POGZ: variants seen among roughly 807,000 people sequenced by gnomAD.
POGZ encodes pogo transposable element with ZNF domain.
POGZ carries 17 observed loss-of-function variants against 134.6 expected under a neutral mutation model. The observed-to-expected ratio is 0.13, with a 90% CI of 0.09 to 0.19. POGZ has a LOEUF of 0.19. POGZ is among the 10% of genes least tolerant of loss of function. POGZ has a pLI of 1.00. For missense variants in POGZ, 1,306 were observed against 1,769.7 expected, an observed-to-expected ratio of 0.74 and a Z score of 4.70; for synonymous variants, 693 against 657.1, an observed-to-expected ratio of 1.05 and a Z score of -0.84.
rs1653268082 is a variant in POGZ at position 151,404,798 on chromosome 1, A to G, written c.*4T>C. On this transcript the variant is annotated 3_prime_UTR_variant, in exon 19 of 19. Transcript: ENST00000271715. ...CACTCCACACCCCCTCATGACCCCA[A>G]CACTCAAATCTCCATCAGATCTAGG... The G allele has an allele frequency of 6.3e-7, 1 of 1,593,198 alleles. No homozygotes were observed. The highest frequency in any genetic ancestry group is 1.3e-5 in the African/African-American group (1 of 74,282).
intron 4 of POGZ, 84 bp from the exon 5 acceptor site, chr1:151,429,795 A>G (rs1658399644): frequency 1.5e-6 from 1 of 670,280 alleles, no homozygotes. Context: ...TCCAAAAAAA[A>G]ATTCCCATAC....
At chr1:151,409,922 G>A (rs1285405519) in intron 12 of POGZ, among the ~76,000 whole-genome samples, 2 of 152,182 alleles carry the variant, frequency 1.3e-5, no homozygotes, top group Non-Finnish European at 2.9e-5. Flanking sequence ...GGATAACAAA[G>A]CTCTGTAAGC....
chr1:151,416,787 C>T (rs1463949068), intron 10 of POGZ, among the ~76,000 whole-genome samples: 1 of 151,130 alleles, frequency 6.6e-6, no homozygotes, highest in Non-Finnish European at 1.5e-5. Context: ...CCACACCTGG[C>T]TAATTAAAAA....
intron 12 of POGZ, among the ~76,000 whole-genome samples, chr1:151,410,050 ATATG>A (rs1363764223): frequency 2.6e-5 from 4 of 152,214 alleles, no homozygotes; most frequent in Admixed American, 6.5e-5. Flanking sequence ...GTTTGTGTGC[ATATG>A]TATGTGACTA....
intron 2 of POGZ, 40 bp downstream of exon 2, chr1:151,442,037 TTTAA>T: frequency 7.0e-7 from 1 of 1,437,054 alleles, no homozygotes. Context: ...TACCATTCAA[TTTAA>T]TTAATTTAAA....
At chr1:151,457,269 G>T (rs532482139) in intron 1 of POGZ, among the ~76,000 whole-genome samples, 1 of 152,284 alleles carries the variant, frequency 6.6e-6, no homozygotes, top group East Asian at 1.9e-4. Flanking sequence ...GGAAATCAAC[G>T]GCACAAGGTG....
In POGZ at chr1:151,424,995, G is replaced by A; in HGVS notation, c.1145C>T (p.Ala382Val). 1 of 1,597,836 alleles carries A rather than the reference G, an allele frequency of 6.3e-7. No homozygotes were observed. Among genetic ancestry groups the A allele is most frequent in the East Asian group, 2.2e-5 (1 of 44,766 alleles). Residue 382 changes from alanine to valine, a missense_variant, in exon 8 of 19, where the codon GCT (alanine) becomes GTT (valine). Physicochemically the swap from Ala to Val is moderately conservative, Grantham distance 64. This residue lies in a region of POGZ where 541 missense variants were observed against 680.5 expected (regional missense o/e 0.80). Coordinates refer to ENST00000271715, the MANE Select transcript of POGZ (RefSeq NM_015100.4). ...CAAAGCTTCAGTAACACGAAATTGA[G>A]CATTACATCGTGGACATATTTTCCG... ...GGRKICPRCN[A>V]QFRVTEALRG... is the part of the protein sequence containing the mutation.
At chr1:151,415,236 C>A (rs1369241100) in intron 10 of POGZ, among the ~76,000 whole-genome samples, 1 of 152,188 alleles carries the variant, frequency 6.6e-6, no homozygotes, top group Non-Finnish European at 1.5e-5. Context: ...TTCTCTCAAT[C>A]CTATTTCTTC....
In POGZ at chr1:151,427,819, G is replaced by A. The variant is rs779781451; in HGVS notation, c.1078+4C>T. ...GCTGCTCAGAGTCTTTCAGGTTATT[G>A]TACCTTTCATTGAAGACTCAGGTCC... On this transcript the variant is annotated splice_donor_region_variant and intron_variant, in intron 7 of 18. Coordinates refer to ENST00000271715, the MANE Select transcript of POGZ (RefSeq NM_015100.4). 6.3e-7 allele frequency: 1 copy of A among 1,594,092 alleles called. No individual in the cohort carries two copies. The highest frequency in any genetic ancestry group is 1.1e-5 in the South Asian group (1 of 90,540).
intron 17 of POGZ, 33 bp downstream of exon 17, chr1:151,406,878 C>T (rs1557869722): frequency 3.9e-6 from 6 of 1,519,174 alleles, no homozygotes; most frequent in Non-Finnish European, 5.5e-6. Context: ...TTTTCCTCCC[C>T]TTGCTCAACT....
chr1:151,444,000 C>T (rs1660925726), intron 1 of POGZ, among the ~76,000 whole-genome samples: 1 of 152,184 alleles, frequency 6.6e-6, no homozygotes, highest in Non-Finnish European at 1.5e-5. Flanking sequence ...TAGGGCTATA[C>T]ATCCTGACAG....
At chr1:151,449,671 C>T (rs531214284) in intron 1 of POGZ, among the ~76,000 whole-genome samples, 12 of 152,008 alleles carry the variant, frequency 7.9e-5, no homozygotes, top group Non-Finnish European at 1.5e-4. Flanking sequence ...CCGAGGTGGG[C>T]GGATCACGAG....
chr1:151,431,602 G>A (rs1223240881), intron 3 of POGZ, among the ~76,000 whole-genome samples: 2 of 152,020 alleles, frequency 1.3e-5, no homozygotes, highest in Non-Finnish European at 2.9e-5. Flanking sequence ...ATGTCATCAG[G>A]GGTGATAATC....
At chr1:151,417,689 CA>C (rs1656007731) in intron 10 of POGZ, among the ~76,000 whole-genome samples, 1 of 4,026 alleles carries the variant, frequency 2.5e-4, no homozygotes, top group African/African-American at 6.0e-4. Flanking sequence ...GTACTGTGGC[CA>C]CACACACACA....
At position 151,405,679 on chromosome 1, in the gene POGZ, A is replaced by C; in HGVS notation, c.3356T>G (p.Leu1119Trp). Residue 1119 changes from leucine (L) to tryptophan (W), a missense_variant, in exon 19 of 19, where the codon TTG (leucine) becomes TGG (tryptophan). Coordinates refer to ENST00000271715, the MANE Select transcript of POGZ (RefSeq NM_015100.4). This position sits in a 1 kb window ranked among gnomAD's most constrained non-coding sequence, Gnocchi z 4.9. Reference protein sequence around the residue: ...QRQIHNQDLPLSMIVAIDEIS... With the variant: ...QRQIHNQDLPWSMIVAIDEIS... ...CTCATCAATAGCCACAATCATAGAC[A>C]AGGGTAAGTCCTGGTTGTGAATCTG... The C allele has an allele frequency of 6.2e-7, 1 of 1,614,152 alleles. No homozygotes were observed. Among genetic ancestry groups the C allele is most frequent in the East Asian group, 2.2e-5 (1 of 44,888 alleles).
intron 1 of POGZ, among the ~76,000 whole-genome samples, chr1:151,458,324 T>C (rs1320974306): frequency 2.6e-5 from 4 of 151,982 alleles, no homozygotes; most frequent in African/African-American, 9.7e-5. Context: ...CGGCAGGACA[T>C]AATCACCAGA....
In POGZ at chr1:151,423,559, A is replaced by C. The variant is rs771501028; in HGVS notation, c.1524-8T>G. On this transcript the variant is annotated splice_polypyrimidine_tract_variant and splice_region_variant and intron_variant, in intron 9 of 18. Coordinates refer to ENST00000271715, the MANE Select transcript of POGZ (RefSeq NM_015100.4). ...TTCATATGGTTCATGAATCTGTAAT[A>C]AAGCACAAAGAGAAAGTACAGAAAA... 3.8e-6 allele frequency: 6 copies of C among 1,597,850 alleles called. No individual in the cohort carries two copies. The South Asian group carries it at 6.7e-5, about 18-fold the overall frequency.
chr1:151,457,598 C>G (rs190223834), intron 1 of POGZ, among the ~76,000 whole-genome samples: 1 of 152,176 alleles, frequency 6.6e-6, no homozygotes, highest in Non-Finnish European at 1.5e-5. Context: ...CTGCCCCCTC[C>G]GTTTCCCTTT....
chr1:151,416,625 GTTT>G (rs202238876), intron 10 of POGZ, among the ~76,000 whole-genome samples: 4 of 139,810 alleles, frequency 2.9e-5, no homozygotes, highest in East Asian at 2.1e-4. Flanking sequence ...TACTTTTTGG[GTTT>G]TTTTTTTTTT....
Sources: gnomAD v4.1 joint callset for allele counts (sites outside exome capture counted in the v4.1 genomes callset) on GRCh38, gnomAD v4.1.1 for gene constraint, gnomAD v4.1.1 regional missense constraint, Gnocchi (gnomAD v3.1) non-coding constraint, MANE v1.5 for transcripts, NCBI Gene and HGNC (gene_info 2026-07-23, HGNC 2026-07-21) for gene names.